PTPRN2: variants seen among roughly 807,000 people sequenced by gnomAD.
The protein encoded by PTPRN2 is protein tyrosine phosphatase receptor type N2, also known as receptor-type tyrosine-protein phosphatase N2.
PTPRN2 carries 74 observed loss-of-function variants against 118.8 expected under a neutral mutation model. The observed-to-expected ratio is 0.62, with a 90% confidence interval of 0.52 to 0.76. The LOEUF is 0.76. PTPRN2 is among the 30% of genes least tolerant of loss of function. The probability of loss-of-function intolerance (pLI) is 0.00; values close to 1 mark genes in which losing one functional copy is unlikely to be tolerated. For synonymous variants in PTPRN2, 641 were observed against 608.0 expected (o/e 1.05, Z -0.80); for missense variants, 1,481 against 1,394.4 (o/e 1.06, Z -0.99).
chr7:158,200,242 G>A (rs761829761), intron 4 of PTPRN2, among the ~76,000 whole-genome samples: 3 of 152,116 alleles, frequency 2.0e-5, no homozygotes, highest in Non-Finnish European at 4.4e-5. Context: ...GGATTAATCA[G>A]GCAACAAAAA....
intron 1 of PTPRN2, chr7:158,539,591 C>T (rs898293814): frequency 5.0e-6 from 1 of 199,332 alleles, no homozygotes; most frequent in South Asian, 7.6e-5. Flanking sequence ...AGAGCAGGCA[C>T]TTCTAAAGGG....
rs1804181506 is a variant in PTPRN2 at position 157,990,623 on chromosome 7, C to A, written c.1723+90675G>T. Among the ~76,000 whole-genome samples the A allele has an allele frequency of 6.6e-6, 1 of 152,278 alleles. No homozygotes were observed. The highest frequency in any genetic ancestry group is 3.4e-3 in the Middle Eastern group (1 of 294). ...GCAGGGCAGGCTGGGGGTCAGGGCT[C>A]AGGGCGGTGCTGACAGTAGGACATG... On this transcript the variant is annotated intron_variant, in intron 11 of 22. Transcript: ENST00000389418. The surrounding 1 kb of genome is among the most constrained non-coding windows in gnomAD (Gnocchi z 4.3).
intron 5 of PTPRN2, among the ~76,000 whole-genome samples, chr7:158,180,865 G>T (rs1191285980): frequency 2.6e-5 from 4 of 151,928 alleles, no homozygotes; most frequent in Non-Finnish European, 5.9e-5. Flanking sequence ...GGTTTTGTAG[G>T]TATATCATAT....
intron 2 of PTPRN2, among the ~76,000 whole-genome samples, chr7:158,331,172 A>G (rs1225059845): frequency 3.6e-5 from 5 of 138,672 alleles, no homozygotes; most frequent in African/African-American, 1.1e-4. Flanking sequence ...CACTCTCACC[A>G]GAAGAGCTGT....
intron 12 of PTPRN2, among the ~76,000 whole-genome samples, chr7:157,846,553 G>A (rs975665339): frequency 6.6e-6 from 1 of 152,156 alleles, no homozygotes; most frequent in Non-Finnish European, 1.5e-5. Flanking sequence ...TCACTGCCCT[G>A]AGTGCGCTGC....
rs915720194 is a variant in PTPRN2, at chr7:158,081,992, C to T, written c.1644-615G>A. ...TATGCAGTAGAAACTGATTATTGTG[C>T]CTACAGCCATCTCAAAATGAATTAG... On this transcript the variant is annotated intron_variant, in intron 10 of 22. Transcript: ENST00000389418. 2.6e-5 allele frequency among the ~76,000 whole-genome samples: 4 copies of T among 152,128 alleles called. 1 individual carries two copies. Among genetic ancestry groups the T allele is most frequent in the Admixed American group, 2.0e-4 (3 of 15,276 alleles).
chr7:158,113,932 C>T (rs1278376484), intron 9 of PTPRN2, among the ~76,000 whole-genome samples: 2 of 152,148 alleles, frequency 1.3e-5, no homozygotes, highest in African/African-American at 4.8e-5. Context: ...CCCAAAAGCC[C>T]GGTACCTCCA....
chr7:157,978,950 G>T (rs1802940353), intron 11 of PTPRN2, among the ~76,000 whole-genome samples: 1 of 152,018 alleles, frequency 6.6e-6, no homozygotes, highest in South Asian at 2.1e-4. Context: ...TACGACACCT[G>T]CCCAGCGGAA....
intron 12 of PTPRN2, among the ~76,000 whole-genome samples, chr7:157,774,702 G>A (rs989223680): frequency 1.3e-5 from 2 of 152,208 alleles, no homozygotes. Flanking sequence ...ACCCCAGAGT[G>A]ACTCAGCCTC....
At chr7:158,014,482 T>C (rs1191190331) in intron 11 of PTPRN2, among the ~76,000 whole-genome samples, 1 of 151,402 alleles carries the variant, frequency 6.6e-6, no homozygotes, top group African/African-American at 2.4e-5. Context: ...AATTCACTTG[T>C]TCATCCAGTC....
chr7:158,245,217 CCGGAACCCA>C (rs1207949858), intron 3 of PTPRN2, among the ~76,000 whole-genome samples: 37 of 99,504 alleles, frequency 3.7e-4, no homozygotes, highest in South Asian at 2.4e-3. Flanking sequence ...CACGGTCATG[CCGGAACCCA>C]TGGCCATGCC....
intron 2 of PTPRN2, among the ~76,000 whole-genome samples, chr7:158,454,399 A>G (rs57039098): frequency 2.6e-4 from 32 of 121,862 alleles, no homozygotes; most frequent in East Asian, 8.7e-4. Context: ...GATTGGGGAC[A>G]GTTGTTATGG....
chr7:158,462,483 T>A (rs1819077675), intron 2 of PTPRN2, among the ~76,000 whole-genome samples: 1 of 152,148 alleles, frequency 6.6e-6, no homozygotes, highest in South Asian at 2.1e-4. Flanking sequence ...GTCCTAGAGA[T>A]GATATGTGAA....
intron 12 of PTPRN2, among the ~76,000 whole-genome samples, chr7:157,719,731 G>C (rs1799131696): frequency 6.6e-6 from 1 of 152,234 alleles, no homozygotes; most frequent in Non-Finnish European, 1.5e-5. Flanking sequence ...GAGCTCCCCA[G>C]ACCCCTCTCT....
At chr7:158,203,275 AAAAG>A (rs973204085) in intron 4 of PTPRN2, among the ~76,000 whole-genome samples, 1 of 151,698 alleles carries the variant, frequency 6.6e-6, no homozygotes, top group African/African-American at 2.4e-5. Context: ...AGAGGAAAGA[AAAAG>A]GAAGGAAGGA....
intron 2 of PTPRN2, among the ~76,000 whole-genome samples, chr7:158,348,607 G>T (rs1293331466): frequency 6.6e-6 from 1 of 152,164 alleles, no homozygotes; most frequent in African/African-American, 2.4e-5. Context: ...GCTGGGCCAG[G>T]CCCCCAACAC....
chr7:158,414,510 G>A (rs1814480815), intron 2 of PTPRN2, among the ~76,000 whole-genome samples: 1 of 152,214 alleles, frequency 6.6e-6, no homozygotes, highest in Admixed American at 6.5e-5. Flanking sequence ...GAGCTGCAAA[G>A]GAAATTAGAT....
At chr7:157,820,118 C>T (rs756635341) in intron 12 of PTPRN2, among the ~76,000 whole-genome samples, 2 of 151,484 alleles carry the variant, frequency 1.3e-5, no homozygotes, top group Non-Finnish European at 2.9e-5. Context: ...CACACATGCA[C>T]TCCACATACA....
At chr7:157,928,676 T>A (rs1232715391) in intron 11 of PTPRN2, among the ~76,000 whole-genome samples, 1 of 115,004 alleles carries the variant, frequency 8.7e-6, no homozygotes, top group African/African-American at 3.5e-5. Flanking sequence ...GTTCCGACTA[T>A]GAAGAGAGGG....
Sources: gnomAD v4.1 joint callset for allele counts (sites outside exome capture counted in the v4.1 genomes callset) on GRCh38, gnomAD v4.1.1 for gene constraint, Gnocchi (gnomAD v3.1) non-coding constraint, MANE v1.5 for transcripts, NCBI Gene and HGNC (gene_info 2026-07-23, HGNC 2026-07-21) for gene names.